Variants in MROH9 observed in about 807,000 individuals in gnomAD.
The protein encoded by MROH9 is maestro heat like repeat family member 9.
A neutral mutation model predicts 98.2 loss-of-function variants in MROH9; 92 were observed. The observed-to-expected ratio is 0.94, with a 90% CI of 0.79 to 1.11. The LOEUF is 1.11. Among genes scored for constraint, MROH9 ranks in the 50% most tolerant of loss-of-function variants. The pLI is 0.00. For missense variants in MROH9, 1,057 were observed against 1,014.8 expected, an observed-to-expected ratio of 1.04 and a Z score of -0.57; for synonymous variants, 397 against 368.9, an observed-to-expected ratio of 1.08 and a Z score of -0.87.
chr1:170,942,850 A>G (rs868355591), intron 1 of MROH9, among the ~76,000 whole-genome samples: 15 of 152,244 alleles, frequency 9.9e-5, no homozygotes, highest in Middle Eastern at 3.4e-3. Context: ...TAAACAAGAA[A>G]TCACACAAAC....
chr1:170,992,883 T>C (rs1272978177), intron 12 of MROH9, among the ~76,000 whole-genome samples: 1 of 152,160 alleles, frequency 6.6e-6, no homozygotes, highest in Non-Finnish European at 1.5e-5. Context: ...TAGGCGTTTG[T>C]AGTCATGGAA....
intron 20 of MROH9, among the ~76,000 whole-genome samples, chr1:171,042,545 T>A (rs1462163173): frequency 2.0e-5 from 3 of 152,098 alleles, no homozygotes; most frequent in Non-Finnish European, 4.4e-5. Flanking sequence ...CAATTTTTAG[T>A]TTTTTGAGGA....
At chr1:170,935,938 G>T (rs1276447390) in intron 1 of MROH9, among the ~76,000 whole-genome samples, 2 of 135,878 alleles carry the variant, frequency 1.5e-5, no homozygotes, top group Non-Finnish European at 3.0e-5. Context: ...GTTGCAGTGA[G>T]CCGAGATCAT....
At chr1:170,967,203 G>A (rs1035703302) in intron 7 of MROH9, among the ~76,000 whole-genome samples, 1 of 152,086 alleles carries the variant, frequency 6.6e-6, no homozygotes, top group Non-Finnish European at 1.5e-5. Flanking sequence ...GAAACCCAAC[G>A]GAATAACCTA....
At chr1:170,984,485 T>C (rs1160914793) in intron 9 of MROH9, among the ~76,000 whole-genome samples, 1 of 152,226 alleles carries the variant, frequency 6.6e-6, no homozygotes, top group Non-Finnish European at 1.5e-5. Flanking sequence ...TATGTTCATT[T>C]ACATGAAGAA....
intron 17 of MROH9, among the ~76,000 whole-genome samples, chr1:171,023,455 A>G (rs915453769): frequency 4.6e-5 from 7 of 152,194 alleles, no homozygotes; most frequent in Non-Finnish European, 7.3e-5. Context: ...TACAAAAATT[A>G]TCTTCAAGTT....
intron 7 of MROH9, among the ~76,000 whole-genome samples, chr1:170,970,499 C>A (rs1650400112): frequency 6.6e-6 from 1 of 152,044 alleles, no homozygotes; most frequent in African/African-American, 2.4e-5. Flanking sequence ...TTCTCCAAAG[C>A]CACAGAGCTC....
At chr1:170,945,457 A>T in intron 1 of MROH9, 63 bp from the exon 2 acceptor site, 2 of 1,141,924 alleles carry the variant, frequency 1.8e-6, no homozygotes, top group Non-Finnish European at 2.6e-6. Context: ...CCATATTGAT[A>T]GAGCAAAACA....
chr1:170,982,831 G>C (rs969118552), intron 8 of MROH9, among the ~76,000 whole-genome samples: 1 of 152,154 alleles, frequency 6.6e-6, no homozygotes, highest in African/African-American at 2.4e-5. Flanking sequence ...GGAAGTCAAG[G>C]CTGCAGTGAA....
At chr1:171,062,221 T>C (rs2101878694) in intron 21 of MROH9, 27 bp downstream of exon 21, 3 of 1,453,180 alleles carry the variant, frequency 2.1e-6, no homozygotes, top group Non-Finnish European at 2.8e-6. Context: ...TAACAAAATC[T>C]TTATGCATAA....
chr1:170,977,500 T>G (rs994559658), intron 8 of MROH9, among the ~76,000 whole-genome samples: 3 of 152,138 alleles, frequency 2.0e-5, no homozygotes, highest in Non-Finnish European at 4.4e-5. Context: ...AGTGAGATAT[T>G]TTGTTGTTGA....
At chr1:171,034,370 A>G (rs567758159) in intron 20 of MROH9, among the ~76,000 whole-genome samples, 50 of 152,212 alleles carry the variant, frequency 3.3e-4, no homozygotes, top group Non-Finnish European at 6.5e-4. Flanking sequence ...TATTGCAAAA[A>G]GACATCCAGT....
Position 171,060,451 on chromosome 1 carries a change from T to C in MROH9, c.2282-1681T>C, listed in dbSNP as rs1653978393. On this transcript the variant is annotated intron_variant, in intron 20 of 21. Coordinates refer to ENST00000367759, the MANE Select transcript of MROH9 (RefSeq NM_001163629.2). ...AATGTGACAAGCTGATTATAAACTT[T>C]ATATTAAAACTTAAGTGTTCAAGAA... 9.9e-5 allele frequency among the ~76,000 whole-genome samples: 15 copies of C among 152,282 alleles called. No individual in the cohort carries two copies. In the South Asian group the frequency reaches 3.1e-3, roughly 32 times the overall value.
chr1:170,998,474 C>T, intron 15 of MROH9, 200 bp downstream of exon 15: 2 of 1,514,312 alleles, frequency 1.3e-6, no homozygotes, highest in South Asian at 1.3e-5. Flanking sequence ...CTTCAGCTTT[C>T]CCCAGCAGTT....
chr1:170,945,421 C>G (rs1649289841), intron 1 of MROH9, 99 bp from the exon 2 acceptor site: 1 of 732,864 alleles, frequency 1.4e-6, no homozygotes, highest in African/African-American at 1.8e-5. Flanking sequence ...TTAACACAAT[C>G]CACATACTGT....
intron 20 of MROH9, among the ~76,000 whole-genome samples, chr1:171,041,347 ATGTGTGTGTGTGTGTGTG>A (rs377650131): frequency 1.2e-5 from 1 of 80,608 alleles, no homozygotes; most frequent in African/African-American, 4.4e-5. Flanking sequence ...GTATTCCATG[ATGTGTGTGTGTGTGTGTG>A]TGTGTGTGTG....
chr1:171,051,683 T>C (rs111718757), intron 20 of MROH9, among the ~76,000 whole-genome samples: 18,363 of 152,220 alleles, frequency 0.12, 1,213 homozygotes, highest in Middle Eastern at 0.22. Context: ...CAAACCACCA[T>C]AGCACACATT....
chr1:170,945,426 T>C lies in MROH9; in HGVS notation c.-37-94T>C. The stretch of plus-strand genomic sequence containing the variant: ...CTATAGAAAATTAACACAATCCACA[T>C]ACTGTATATCATAGTACCATCCATA... On this transcript the variant is annotated intron_variant, in intron 1 of 21. Transcript: ENST00000367759. 1.1e-5 allele frequency: 8 copies of C among 754,846 alleles called. No homozygotes were observed. In the East Asian group the frequency reaches 2.2e-4, roughly 20 times the overall value. The allele number at this position is 754,846 out of a possible 1,614,324, so 46.8% of individuals were successfully genotyped here. A position where few individuals can be genotyped will look rare whatever the true frequency, so the allele number is the denominator to read the frequency against.
At chr1:170,940,467 C>T (rs1649080170) in intron 1 of MROH9, among the ~76,000 whole-genome samples, 1 of 152,196 alleles carries the variant, frequency 6.6e-6, no homozygotes, top group African/African-American at 2.4e-5. Flanking sequence ...TTGACATGCC[C>T]CTGTGGTAGA....
Sources: gnomAD v4.1 joint callset for allele counts (sites outside exome capture counted in the v4.1 genomes callset) on GRCh38, gnomAD v4.1.1 for gene constraint, MANE v1.5 for transcripts, NCBI Gene and HGNC (gene_info 2026-07-23, HGNC 2026-07-21) for gene names.